The following ROBO2 variants were observed in gnomAD, a reference collection of about 807,000 sequenced individuals.
ROBO2 encodes the protein roundabout guidance receptor 2.
In ROBO2, 53 loss-of-function variants were observed where a neutral mutation model predicts 160.8. The ratio of observed to expected loss-of-function variants is 0.33; its 90% confidence interval spans 0.26 to 0.41. ROBO2 has a LOEUF of 0.41. Among genes scored for constraint, ROBO2 ranks in the 10% least tolerant of loss-of-function variants. ROBO2 has a pLI of 1.00. For synonymous variants in ROBO2, 664 were observed against 611.7 expected (o/e 1.09, Z -1.26); for missense variants, 1,577 against 1,722.4 (o/e 0.92, Z 1.49).
In ROBO2 at chr3:77,070,117, C is replaced by T. The variant is rs1479511318; in HGVS notation, c.62-27897C>T. Among the ~76,000 whole-genome samples the T allele has an allele frequency of 3.3e-5, 5 of 152,150 alleles. No homozygotes were observed. In the East Asian group the frequency reaches 9.7e-4, roughly 29 times the overall value. On this transcript the variant is annotated intron_variant, in intron 1 of 25. Coordinates refer to ENST00000461745, the Ensembl canonical transcript of ROBO2. ...CTAAGCCAAAGAATGCCACAGATTG[C>T]CAGCAAGCCCCCAGAAGCTGGGAGG...
intron 10 of ROBO2, 133 bp from the exon 12 acceptor site, chr3:77,563,034 A>C: frequency 3.7e-6 from 3 of 801,178 alleles, no homozygotes; most frequent in Non-Finnish European, 6.2e-6. Context: ...ACATTCACTT[A>C]CATACTTCTG....
At chr3:77,078,341 T>G (rs1322946895) in intron 1 of ROBO2, among the ~76,000 whole-genome samples, 1 of 152,228 alleles carries the variant, frequency 6.6e-6, no homozygotes, top group Admixed American at 6.5e-5. Flanking sequence ...CCCAAACACC[T>G]GTCTAAGTAT....
chr3:76,015,307 G>A (rs1363210877), intron 2 of ROBO2, among the ~76,000 whole-genome samples: 2 of 152,122 alleles, frequency 1.3e-5, no homozygotes, highest in Non-Finnish European at 2.9e-5. Flanking sequence ...ATATGCATAT[G>A]TTAACTTGTC....
chr3:76,046,131 T>C (rs1295011394), intron 2 of ROBO2, among the ~76,000 whole-genome samples: 1 of 151,938 alleles, frequency 6.6e-6, no homozygotes, highest in Non-Finnish European at 1.5e-5. Context: ...ACATGCAATT[T>C]TGTTGACTTT....
At chr3:76,325,824 C>G (rs1247583426) in intron 2 of ROBO2, among the ~76,000 whole-genome samples, 3 of 152,042 alleles carry the variant, frequency 2.0e-5, no homozygotes, top group African/African-American at 7.2e-5. Context: ...TAAAACATAC[C>G]TGTTCCTTGT....
At chr3:77,194,977 G>C (rs1530299) in intron 2 of ROBO2, among the ~76,000 whole-genome samples, 25,717 of 151,898 alleles carry the variant, frequency 0.17, 2,486 homozygotes, top group Middle Eastern at 0.27. Flanking sequence ...TCATAATATA[G>C]GGGCAATGTA....
chr3:76,004,707 C>T (rs975475035), intron 2 of ROBO2, among the ~76,000 whole-genome samples: 69 of 152,014 alleles, frequency 4.5e-4, no homozygotes, highest in African/African-American at 1.6e-3. Flanking sequence ...CTCCAAATAC[C>T]GTTATATTGG....
At chr3:75,942,568 G>A (rs78983049) in intron 2 of ROBO2, among the ~76,000 whole-genome samples, 18 of 152,072 alleles carry the variant, frequency 1.2e-4, no homozygotes, top group African/African-American at 2.6e-4. Flanking sequence ...TGATTTAAGC[G>A]TCTTAAAATT....
chr3:77,403,097 T>C (rs1002367667), intron 2 of ROBO2, among the ~76,000 whole-genome samples: 1 of 152,206 alleles, frequency 6.6e-6, no homozygotes, highest in Non-Finnish European at 1.5e-5. Flanking sequence ...AATTAATTAG[T>C]TAATTATAAC....
intron 2 of ROBO2, among the ~76,000 whole-genome samples, chr3:76,814,786 A>G (rs557369859): frequency 4.3e-4 from 66 of 152,202 alleles, no homozygotes; most frequent in Admixed American, 1.3e-3. Context: ...CATTATGCCA[A>G]AAAAGAATAA....
intron 2 of ROBO2, among the ~76,000 whole-genome samples, chr3:76,641,863 G>A (rs1006124758): frequency 6.6e-5 from 10 of 151,958 alleles, no homozygotes; most frequent in Admixed American, 3.9e-4. Context: ...TCAGCCTCCC[G>A]AGCAGCCAGG....
intron 2 of ROBO2, among the ~76,000 whole-genome samples, chr3:76,055,840 C>A (rs1405297565): frequency 6.6e-6 from 1 of 152,086 alleles, no homozygotes; most frequent in Non-Finnish European, 1.5e-5. Context: ...CTCACCGCAA[C>A]CTCTGCCTCC....
intron 2 of ROBO2, among the ~76,000 whole-genome samples, chr3:76,346,623 A>G (rs1002082283): frequency 6.6e-6 from 1 of 152,154 alleles, no homozygotes; most frequent in African/African-American, 2.4e-5. Context: ...GAGCCACTAG[A>G]TGACTTAGCA....
intron 2 of ROBO2, among the ~76,000 whole-genome samples, chr3:76,751,953 G>A (rs267109): frequency 0.84 from 128,022 of 151,788 alleles, 54,091 homozygotes; most frequent in African/African-American, 0.87. Flanking sequence ...TATATACCCA[G>A]ATGTTTATAA....
At chr3:76,731,249 T>C (rs907429460) in intron 2 of ROBO2, among the ~76,000 whole-genome samples, 1 of 152,208 alleles carries the variant, frequency 6.6e-6, no homozygotes, top group African/African-American at 2.4e-5. Flanking sequence ...TAAATTGCCT[T>C]TATTTTTATG....
chr3:76,660,856 C>A (rs1464055249), intron 2 of ROBO2, among the ~76,000 whole-genome samples: 1 of 152,094 alleles, frequency 6.6e-6, no homozygotes, highest in Non-Finnish European at 1.5e-5. Context: ...TGGACTTATT[C>A]ACTTTAAGTA....
At chr3:76,129,035 A>G (rs1394030904) in intron 2 of ROBO2, among the ~76,000 whole-genome samples, 1 of 151,956 alleles carries the variant, frequency 6.6e-6, no homozygotes, top group Non-Finnish European at 1.5e-5. Context: ...TAAACATAGA[A>G]CAAAGTAAAG....
chr3:77,289,024 T>C (rs56404698), intron 2 of ROBO2, among the ~76,000 whole-genome samples: 8,535 of 152,252 alleles, frequency 0.056, 365 homozygotes, highest in Non-Finnish European at 0.087. Flanking sequence ...GTGAGTTTTG[T>C]TTCTGTGTGT....
At chr3:76,633,314 T>C (rs1321149068) in intron 2 of ROBO2, among the ~76,000 whole-genome samples, 2 of 152,180 alleles carry the variant, frequency 1.3e-5, no homozygotes, top group African/African-American at 4.8e-5. Flanking sequence ...GGCAAGCAAG[T>C]ACTTGAGAGC....
Sources: gnomAD v4.1 joint callset for allele counts (sites outside exome capture counted in the v4.1 genomes callset) on GRCh38, gnomAD v4.1.1 for gene constraint, MANE v1.5 for transcripts, NCBI Gene and HGNC (gene_info 2026-07-23, HGNC 2026-07-21) for gene names.